DCTD: variants seen among roughly 807,000 people sequenced by gnomAD.
The protein encoded by DCTD is dCMP deaminase.
A neutral mutation model predicts 21.0 loss-of-function variants in DCTD; 23 were observed. The observed-to-expected ratio is 1.09, with a 90% confidence interval of 0.79 to 1.55. DCTD has a LOEUF of 1.55. Ranked by LOEUF, DCTD falls within the 40% of genes most tolerant of loss-of-function variation. DCTD has a pLI of 0.00. For missense variants in DCTD, 224 were observed against 230.0 expected (o/e 0.97, Z 0.17); for synonymous variants, 71 against 81.1 (o/e 0.88, Z 0.67).
chr4:182,901,266 A>G (rs370525066), intron 3 of DCTD, among the ~76,000 whole-genome samples: 1 of 152,242 alleles, frequency 6.6e-6, no homozygotes, highest in Admixed American at 6.5e-5. Context: ...TTCATCTGCT[A>G]TGGAGATGTG....
chr4:182,913,758 C>A (rs1210492973), intron 3 of DCTD, among the ~76,000 whole-genome samples: 2 of 152,180 alleles, frequency 1.3e-5, no homozygotes, highest in African/African-American at 4.8e-5. Flanking sequence ...GCATACCCAG[C>A]ATGATTTGCC....
chr4:182,892,924 C>CCT lies in DCTD; in HGVS notation c.458+105_458+106dup, dbSNP rs1192140010. On this transcript the variant is annotated intron_variant, in intron 5 of 5. Coordinates refer to ENST00000438320, the MANE Select transcript of DCTD (RefSeq NM_001921.3). ...TTATGCCCTTGCATTTCTAAAGACA[C>CCT]CTCCAAGTGTGGAAGTCAGGCATCA... 35 of 701,564 alleles carry CCT rather than the reference C, an allele frequency of 5.0e-5. No individual in the cohort carries two copies. In the Admixed American group the frequency reaches 5.4e-4, roughly 11 times the overall value. The allele number at this position is 701,564 out of a possible 1,614,324, so 43.5% of individuals were successfully genotyped here. A position where few individuals can be genotyped will look rare whatever the true frequency, so the allele number is the denominator to read the frequency against.
At chr4:182,910,243 G>A (rs974247897) in intron 3 of DCTD, among the ~76,000 whole-genome samples, 1 of 152,128 alleles carries the variant, frequency 6.6e-6, no homozygotes, top group Non-Finnish European at 1.5e-5. Flanking sequence ...AAATCAGCAA[G>A]GCCACAAGTG....
rs549314357 is a variant in DCTD, at chr4:182,908,786, C to T, written c.244+6137G>A. ...TAATGTGCTCAAATACTTAACATAG[C>T]TGTTTTCTAAATTAGTTTGCATGTG... On this transcript the variant is annotated intron_variant, in intron 3 of 5. Transcript: ENST00000438320. 3.3e-5 allele frequency among the ~76,000 whole-genome samples: 5 copies of T among 151,946 alleles called. No homozygotes were observed. The South Asian group carries it at 1.0e-3, about 32-fold the overall frequency.
chr4:182,916,880 A>G, intron 1 of DCTD: 1 of 1,014,182 alleles, frequency 9.9e-7, no homozygotes, highest in Non-Finnish European at 1.2e-6. Context: ...AGAGAACTGG[A>G]GCTCGAATAC....
At chr4:182,897,656 G>A (rs982266465) in intron 3 of DCTD, among the ~76,000 whole-genome samples, 20 of 152,212 alleles carry the variant, frequency 1.3e-4, no homozygotes, top group South Asian at 4.1e-4. Context: ...TCAAGTGTTC[G>A]GTGGAGGGTG....
rs1216280738 is a variant in DCTD, at chr4:182,908,703, A to AAAGAAG, written c.244+6214_244+6219dup. 5.9e-5 allele frequency among the ~76,000 whole-genome samples: 8 copies of AAAGAAG among 134,930 alleles called. No homozygotes were observed. In the South Asian group the frequency reaches 1.7e-3, roughly 28 times the overall value. 88.5% of individuals were successfully genotyped at this position (134,930 alleles called of 152,430 possible). Reference sequence around the variant, plus strand: ...GTCTCAAAAAAAAAAAAAAAAAAAAAAAGAAGAAGAAGAAGAAGAAGAAAT... The same window carrying AAAGAAG: ...GTCTCAAAAAAAAAAAAAAAAAAAAAAAGAAGAAGAAGAAGAAGAAGAAGAAGAAAT... On this transcript the variant is annotated intron_variant, in intron 3 of 5. Coordinates refer to ENST00000438320, the MANE Select transcript of DCTD (RefSeq NM_001921.3).
chr4:182,905,621 T>G (rs564383139), intron 3 of DCTD, among the ~76,000 whole-genome samples: 1 of 152,176 alleles, frequency 6.6e-6, no homozygotes, highest in African/African-American at 2.4e-5. Flanking sequence ...CACTGCTCTG[T>G]GTGCTCCTTC....
chr4:182,891,957 C>CTTT (rs5864809), intron 5 of DCTD, among the ~76,000 whole-genome samples: 12 of 130,946 alleles, frequency 9.2e-5, no homozygotes, highest in Non-Finnish European at 1.6e-4. Flanking sequence ...CATAAACCAA[C>CTTT]TTTTTTTTTT....
At chr4:182,915,161 G>C (rs898158700) in intron 2 of DCTD, 103 bp from the exon 3 acceptor site, 14 of 1,423,068 alleles carry the variant, frequency 9.8e-6, no homozygotes, top group South Asian at 2.5e-5. Flanking sequence ...CAAAACAGAC[G>C]CATAGCTGCT....
chr4:182,897,060 G>A (rs1245643813), intron 3 of DCTD, among the ~76,000 whole-genome samples: 3 of 152,080 alleles, frequency 2.0e-5, no homozygotes, highest in East Asian at 1.9e-4. Flanking sequence ...GAACTGTCAC[G>A]CTCACTGCCA....
intron 3 of DCTD, among the ~76,000 whole-genome samples, chr4:182,910,162 C>G (rs1033651907): frequency 3.3e-5 from 5 of 152,144 alleles, no homozygotes; most frequent in African/African-American, 1.2e-4. Context: ...CCCTGGCTCC[C>G]TGGTCCATTG....
intron 3 of DCTD, among the ~76,000 whole-genome samples, chr4:182,896,721 C>A (rs1393078353): frequency 1.3e-5 from 2 of 152,176 alleles, no homozygotes; most frequent in African/African-American, 4.8e-5. Flanking sequence ...GGGTTTCACG[C>A]TGCTTGGTGT....
At chr4:182,898,687 C>CTTAG in intron 3 of DCTD, among the ~76,000 whole-genome samples, 1 of 152,276 alleles carries the variant, frequency 6.6e-6, no homozygotes, top group African/African-American at 2.4e-5. Flanking sequence ...AGCATGCATA[C>CTTAG]TTAGTCCTTA....
chr4:182,902,600 G>C (rs1224299810), intron 3 of DCTD, among the ~76,000 whole-genome samples: 4 of 152,208 alleles, frequency 2.6e-5, no homozygotes, highest in African/African-American at 9.7e-5. Flanking sequence ...CCCCACCCAG[G>C]GGAGCAGCCC....
At chr4:182,903,733 C>T (rs752851629) in intron 3 of DCTD, among the ~76,000 whole-genome samples, 97 of 152,036 alleles carry the variant, frequency 6.4e-4, no homozygotes, top group Admixed American at 3.7e-3. Flanking sequence ...CAAGAACTTC[C>T]GTCTCCGCTC....
At chr4:182,902,506 C>T (rs1320255462) in intron 3 of DCTD, among the ~76,000 whole-genome samples, 1 of 152,186 alleles carries the variant, frequency 6.6e-6, no homozygotes, top group African/African-American at 2.4e-5. Flanking sequence ...CCTCTCCTGG[C>T]TAAGGCCCTG....
intron 3 of DCTD, among the ~76,000 whole-genome samples, chr4:182,905,146 C>A (rs1461935808): frequency 6.6e-6 from 1 of 152,132 alleles, no homozygotes; most frequent in Non-Finnish European, 1.5e-5. Context: ...CATTGTCTCA[C>A]CCTCTGTTCT....
At chr4:182,915,680 C>T (rs749602650) in intron 1 of DCTD, 105 bp from the exon 2 acceptor site, 5 of 854,630 alleles carry the variant, frequency 5.9e-6, no homozygotes, top group Non-Finnish European at 9.7e-6. Flanking sequence ...TAAACATGGG[C>T]AACTTCAGCT....
Sources: allele counts gnomAD v4.1 joint callset (sites outside exome capture counted in the v4.1 genomes callset), GRCh38; gene constraint gnomAD v4.1.1; transcripts MANE v1.5; gene names NCBI Gene and HGNC (gene_info 2026-07-23, HGNC 2026-07-21).